The following EYA4 variants were observed in gnomAD, a reference collection of about 807,000 sequenced individuals.
EYA4 encodes protein phosphatase EYA4.
A neutral mutation model predicts 87.9 loss-of-function variants in EYA4; 31 were observed. That is an observed-to-expected ratio of 0.35 (90% CI 0.27 to 0.48). The LOEUF is 0.48. Among genes scored for constraint, EYA4 ranks in the 20% least tolerant of loss-of-function variants. The pLI, the probability that EYA4 is intolerant of heterozygous loss-of-function variation, is 0.99. For missense variants in EYA4, 678 were observed against 761.4 expected (o/e 0.89, Z 1.29); for synonymous variants, 263 against 270.6 (o/e 0.97, Z 0.28).
rs189219477 is a variant in EYA4 at position 133,300,029 on chromosome 6, G to A, written c.33+25216G>A. The stretch of plus-strand genomic sequence containing the variant: ...CCTACTGTTGACCAGAAATCTTACT[G>A]ATAACATAAACTGTTCGTTAACACA... On this transcript the variant is annotated intron_variant, in intron 2 of 19. Transcript: ENST00000355286. Among the ~76,000 whole-genome samples, 324 of 151,234 alleles carry A rather than the reference G, an allele frequency of 2.1e-3. 9 individuals carry two copies. The highest frequency in any genetic ancestry group is 0.018 in the Admixed American group (281 of 15,202).
chr6:133,269,372 T>C (rs1776498304), intron 1 of EYA4, among the ~76,000 whole-genome samples: 1 of 152,198 alleles, frequency 6.6e-6, no homozygotes, highest in Admixed American at 6.5e-5. Flanking sequence ...CAGTTTAAAA[T>C]TGTGCTTTTC....
At chr6:133,324,177 A>C (rs1392012575) in intron 2 of EYA4, among the ~76,000 whole-genome samples, 1 of 152,242 alleles carries the variant, frequency 6.6e-6, no homozygotes, top group Non-Finnish European at 1.5e-5. Flanking sequence ...ATAGTAGAAA[A>C]TATAGTTAAA....
intron 2 of EYA4, among the ~76,000 whole-genome samples, chr6:133,316,601 C>G (rs1780641573): frequency 6.6e-6 from 1 of 152,170 alleles, no homozygotes; most frequent in Non-Finnish European, 1.5e-5. Context: ...TAGTTACTTT[C>G]CATTAATTGA....
intron 2 of EYA4, among the ~76,000 whole-genome samples, chr6:133,288,263 G>C (rs369349943): frequency 1.2e-4 from 18 of 152,308 alleles, no homozygotes; most frequent in African/African-American, 3.9e-4. Context: ...TGTGGCAGGT[G>C]GTGGGCCATA....
intron 3 of EYA4, among the ~76,000 whole-genome samples, chr6:133,415,934 G>T (rs1392359539): frequency 3.3e-5 from 5 of 152,200 alleles, no homozygotes; most frequent in Non-Finnish European, 5.9e-5. Context: ...ATTCTGAATG[G>T]CTCAATAAAC....
At chr6:133,377,468 C>T (rs1037780971) in intron 2 of EYA4, among the ~76,000 whole-genome samples, 23 of 151,458 alleles carry the variant, frequency 1.5e-4, no homozygotes, top group African/African-American at 3.4e-4. Context: ...AACACTGCCT[C>T]GGATATCTCA....
intron 2 of EYA4, among the ~76,000 whole-genome samples, chr6:133,374,714 T>A (rs211608): frequency 0.69 from 103,937 of 151,640 alleles, 37,351 homozygotes; most frequent in Non-Finnish European, 0.8. Context: ...AGAAGCTTGG[T>A]TAAGGAATGA....
At chr6:133,267,175 T>A (rs1392276052) in intron 1 of EYA4, among the ~76,000 whole-genome samples, 1 of 152,218 alleles carries the variant, frequency 6.6e-6, no homozygotes, top group Non-Finnish European at 1.5e-5. Context: ...TGTATTATAT[T>A]GGAGAAAATA....
intron 2 of EYA4, among the ~76,000 whole-genome samples, chr6:133,296,186 G>A (rs954793304): frequency 6.6e-6 from 1 of 152,166 alleles, no homozygotes. Flanking sequence ...TTGGTGGCAT[G>A]ATCATGGAAC....
intron 11 of EYA4, among the ~76,000 whole-genome samples, chr6:133,476,451 T>A (rs1795741794): frequency 6.6e-6 from 1 of 151,616 alleles, no homozygotes; most frequent in Non-Finnish European, 1.5e-5. Context: ...CTTACTCACT[T>A]CTTCTACGAG....
At chr6:133,362,129 G>A (rs1375688828) in intron 2 of EYA4, among the ~76,000 whole-genome samples, 2 of 152,192 alleles carry the variant, frequency 1.3e-5, no homozygotes, top group Admixed American at 6.5e-5. Context: ...TACTTGTTCA[G>A]AAAGTATTAA....
intron 2 of EYA4, among the ~76,000 whole-genome samples, chr6:133,314,246 T>C (rs931957034): frequency 2.0e-5 from 3 of 152,162 alleles, no homozygotes; most frequent in Admixed American, 2.0e-4. Context: ...TATGTGCCAA[T>C]GTGTGACTGT....
intron 10 of EYA4, among the ~76,000 whole-genome samples, chr6:133,466,900 T>C (rs1298693867): frequency 1.3e-5 from 2 of 152,106 alleles, no homozygotes. Context: ...TTGGATTCTA[T>C]TCCAAGCCCA....
chr6:133,487,418 G>T lies in EYA4; in HGVS notation c.1191+4303G>T, dbSNP rs562827681. 6.2e-4 allele frequency among the ~76,000 whole-genome samples: 94 copies of T among 152,290 alleles called. 1 individual carries two copies. The South Asian group carries it at 0.019, about 31-fold the overall frequency. Reference sequence around the variant, plus strand: ...CCAGGGCAGCCAAGGGAGTGCTTGTGCTACCCCTCCCTCAGGCCCAGGCAT... The same window carrying T: ...CCAGGGCAGCCAAGGGAGTGCTTGTTCTACCCCTCCCTCAGGCCCAGGCAT... On this transcript the variant is annotated intron_variant, in intron 13 of 19. Transcript: ENST00000355286.
chr6:133,378,074 CTCAAACTCA>C (rs1249079363), intron 2 of EYA4, among the ~76,000 whole-genome samples: 4 of 152,054 alleles, frequency 2.6e-5, no homozygotes, highest in Non-Finnish European at 5.9e-5. Flanking sequence ...GCATTCTTAT[CTCAAACTCA>C]TCAAGTTGTA....
intron 11 of EYA4, among the ~76,000 whole-genome samples, chr6:133,477,851 C>G (rs1795878780): frequency 6.6e-6 from 1 of 151,148 alleles, no homozygotes; most frequent in African/African-American, 2.5e-5. Flanking sequence ...TATATATACA[C>G]ACATAAATAT....
intron 3 of EYA4, among the ~76,000 whole-genome samples, chr6:133,407,293 G>T (rs1450513333): frequency 1.4e-5 from 2 of 145,042 alleles, no homozygotes; most frequent in African/African-American, 5.1e-5. Context: ...TTTATCGAAA[G>T]AGATTTATTT....
chr6:133,508,208 A>G (rs577644463), intron 14 of EYA4, among the ~76,000 whole-genome samples: 1 of 152,190 alleles, frequency 6.6e-6, no homozygotes, highest in African/African-American at 2.4e-5. Flanking sequence ...TTAAAGCGGC[A>G]TTCTTTTTTT....
At chr6:133,484,449 G>GT (rs529930183) in intron 13 of EYA4, among the ~76,000 whole-genome samples, 3 of 152,270 alleles carry the variant, frequency 2.0e-5, no homozygotes, top group African/African-American at 7.2e-5. Context: ...TTGTCATTTG[G>GT]TTTTAGTATA....
Sources: allele counts gnomAD v4.1 joint callset (sites outside exome capture counted in the v4.1 genomes callset), GRCh38; gene constraint gnomAD v4.1.1; transcripts MANE v1.5; gene names NCBI Gene and HGNC (gene_info 2026-07-23, HGNC 2026-07-21).